PRR5L: variants seen among roughly 807,000 people sequenced by gnomAD.
PRR5L encodes proline rich 5 like.
Under a neutral mutation model 36.4 loss-of-function variants are expected in PRR5L, and 21 were observed. The ratio of observed to expected loss-of-function variants is 0.58; its 90% CI spans 0.41 to 0.83. PRR5L has a LOEUF of 0.83. PRR5L is among the 40% of genes least tolerant of loss of function. The probability of loss-of-function intolerance (pLI) is 0.00; values close to 1 mark genes in which losing one functional copy is unlikely to be tolerated. For synonymous variants in PRR5L, 188 were observed against 197.0 expected (o/e 0.95, Z 0.38); for missense variants, 381 against 473.3 (o/e 0.80, Z 1.81).
chr11:36,438,677 G>A (rs1291745616), intron 6 of PRR5L, among the ~76,000 whole-genome samples: 5 of 152,054 alleles, frequency 3.3e-5, no homozygotes, highest in African/African-American at 4.8e-5. Context: ...AATACAGGAT[G>A]TTGGCCGGGC....
chr11:36,432,038 C>T, intron 5 of PRR5L, 128 bp downstream of exon 5: 1 of 694,610 alleles, frequency 1.4e-6, no homozygotes, highest in South Asian at 2.0e-5. Context: ...CGTTTCCTCC[C>T]TACCTAGGCA....
chr11:36,447,024 C>A (rs1286526130), intron 7 of PRR5L, among the ~76,000 whole-genome samples: 2 of 152,200 alleles, frequency 1.3e-5, no homozygotes, highest in African/African-American at 2.4e-5. Context: ...AATGTGACAC[C>A]TCACAGCTGA....
At chr11:36,402,241 T>G (rs187085713) in intron 2 of PRR5L, among the ~76,000 whole-genome samples, 1 of 152,154 alleles carries the variant, frequency 6.6e-6, no homozygotes, top group Non-Finnish European at 1.5e-5. Flanking sequence ...TCGTTATGGA[T>G]CTTTTCTCTT....
intron 1 of PRR5L, among the ~76,000 whole-genome samples, chr11:36,304,729 T>G (rs1210917927): frequency 6.6e-6 from 1 of 152,246 alleles, no homozygotes; most frequent in Admixed American, 6.5e-5. Context: ...ATAAATTAAT[T>G]ACCCTCTCTG....
chr11:36,394,409 A>C (rs1042629118), intron 1 of PRR5L: 3 of 152,254 alleles, frequency 2.0e-5, no homozygotes, highest in African/African-American at 7.2e-5. Context: ...TAGAAACTGC[A>C]GCTCAGAGAT....
intron 1 of PRR5L, among the ~76,000 whole-genome samples, chr11:36,310,065 A>C (rs746284891): frequency 6.9e-5 from 7 of 101,632 alleles, no homozygotes; most frequent in Non-Finnish European, 1.1e-4. Flanking sequence ...TCTCAAAAGA[A>C]CACATCATCA....
chr11:36,457,690 C>A (rs936898594), intron 8 of PRR5L, among the ~76,000 whole-genome samples: 1 of 152,192 alleles, frequency 6.6e-6, no homozygotes, highest in African/African-American at 2.4e-5. Context: ...CTGTCTACCT[C>A]TTTGACCCTC....
intron 1 of PRR5L, among the ~76,000 whole-genome samples, chr11:36,330,254 G>T (rs577185326): frequency 1.3e-5 from 2 of 152,078 alleles, no homozygotes; most frequent in South Asian, 2.1e-4. Context: ...AGAGAAAGGG[G>T]TTCCTTATAT....
intron 1 of PRR5L, among the ~76,000 whole-genome samples, chr11:36,360,902 A>C (rs1857079792): frequency 6.6e-6 from 1 of 152,242 alleles, no homozygotes; most frequent in African/African-American, 2.4e-5. Flanking sequence ...CTACAGCAGC[A>C]GTTCTCGACA....
intron 4 of PRR5L, among the ~76,000 whole-genome samples, chr11:36,430,620 A>G (rs1431211543): frequency 6.6e-6 from 1 of 152,198 alleles, no homozygotes; most frequent in Admixed American, 6.5e-5. Context: ...TTGGGCTGAG[A>G]TAGCAGCTAT....
intron 1 of PRR5L, among the ~76,000 whole-genome samples, chr11:36,345,929 G>T (rs542463366): frequency 6.6e-6 from 1 of 152,202 alleles, no homozygotes; most frequent in South Asian, 2.1e-4. Flanking sequence ...CAACACCCAG[G>T]GCTGGCTATA....
rs117656555 is a variant in PRR5L at position 36,420,399 on chromosome 11, A to G, written c.294+1096A>G. Among the ~76,000 whole-genome samples the G allele has an allele frequency of 6.3e-3, 967 of 152,350 alleles. 30 individuals are homozygous for G. The highest frequency in any genetic ancestry group is 0.049 in the East Asian group (254 of 5,180). On this transcript the variant is annotated intron_variant, in intron 4 of 8. Transcript: ENST00000530639. ...AGAGTGCTTGGGTTCAGTGCCCAGC[A>G]TAGCCACTTACTAGCTATGTGACCT...
intron 1 of PRR5L, among the ~76,000 whole-genome samples, chr11:36,317,358 G>A (rs1172862407): frequency 2.0e-5 from 3 of 152,206 alleles, no homozygotes; most frequent in African/African-American, 7.2e-5. Flanking sequence ...ATACAATGGG[G>A]TTCATAGAAC....
chr11:36,325,493 G>C (rs547820788), intron 1 of PRR5L, among the ~76,000 whole-genome samples: 16 of 152,376 alleles, frequency 1.1e-4, no homozygotes, highest in African/African-American at 3.8e-4. Flanking sequence ...GGGACCCAAA[G>C]AGGGTAGCCG....
intron 1 of PRR5L, among the ~76,000 whole-genome samples, chr11:36,328,699 A>C (rs1168885281): frequency 6.6e-6 from 1 of 152,190 alleles, no homozygotes; most frequent in South Asian, 2.1e-4. Context: ...TCTCATCTCC[A>C]GTGATAGGAA....
intron 1 of PRR5L, among the ~76,000 whole-genome samples, chr11:36,302,254 C>T (rs1355258100): frequency 6.6e-6 from 1 of 152,012 alleles, no homozygotes. Context: ...AAGAGTGATC[C>T]TTGAAGCGGG....
At chr11:36,354,579 A>G (rs1311181285) in intron 1 of PRR5L, among the ~76,000 whole-genome samples, 1 of 152,238 alleles carries the variant, frequency 6.6e-6, no homozygotes, top group African/African-American at 2.4e-5. Context: ...ATTGAAAGTG[A>G]GAAAATGTAT....
chr11:36,403,157 A>G (rs1857833766), intron 2 of PRR5L, 141 bp from the exon 3 acceptor site: 2 of 618,662 alleles, frequency 3.2e-6, no homozygotes, highest in African/African-American at 1.9e-5. Context: ...GACACTGAGG[A>G]AATGGAGGAT....
At chr11:36,382,282 C>T (rs1272045981) in intron 1 of PRR5L, among the ~76,000 whole-genome samples, 1 of 152,196 alleles carries the variant, frequency 6.6e-6, no homozygotes, top group Non-Finnish European at 1.5e-5. Flanking sequence ...GAATTGAGAT[C>T]TGGAATCTGA....
Sources: gnomAD v4.1 joint callset for allele counts (sites outside exome capture counted in the v4.1 genomes callset) on GRCh38, gnomAD v4.1.1 for gene constraint, MANE v1.5 for transcripts, NCBI Gene and HGNC (gene_info 2026-07-23, HGNC 2026-07-21) for gene names.